ATP13A3: variants seen among roughly 807,000 people sequenced by gnomAD.
The protein encoded by ATP13A3 is ATPase 13A3, also known as polyamine-transporting ATPase 13A3.
ATP13A3 carries 59 observed loss-of-function variants against 158.1 expected under a neutral mutation model. The ratio of observed to expected loss-of-function variants is 0.37; its 90% CI spans 0.30 to 0.46. ATP13A3 has a LOEUF of 0.46. Ranked by LOEUF, ATP13A3 falls within the 20% of genes least tolerant of loss-of-function variation. ATP13A3 has a pLI of 1.00. For missense variants in ATP13A3, 1,166 were observed against 1,525.2 expected, an observed-to-expected ratio of 0.76 and a Z score of 3.92; for synonymous variants, 491 against 504.3, an observed-to-expected ratio of 0.97 and a Z score of 0.35.
intron 2 of ATP13A3, among the ~76,000 whole-genome samples, chr3:194,482,873 C>T (rs1720807670): frequency 6.6e-6 from 1 of 151,956 alleles, no homozygotes; most frequent in African/African-American, 2.4e-5. Flanking sequence ...TCTGGAAGGC[C>T]GAGGCAGGCG....
chr3:194,458,523 G>A (rs1560104642), intron 6 of ATP13A3, among the ~76,000 whole-genome samples: 1 of 152,000 alleles, frequency 6.6e-6, no homozygotes, highest in Non-Finnish European at 1.5e-5. Context: ...CTGAGTATTT[G>A]GGATTATAGC....
chr3:194,445,734 A>C (rs966888376), intron 14 of ATP13A3, among the ~76,000 whole-genome samples: 4 of 152,206 alleles, frequency 2.6e-5, no homozygotes, highest in African/African-American at 9.6e-5. Flanking sequence ...GTAATAATGA[A>C]ATGCACAAAA....
rs71179358 is a variant in ATP13A3, at chr3:194,409,693, A to ATTTTT, written c.3573+2501_3573+2505dup. Among the ~76,000 whole-genome samples the ATTTTT allele has an allele frequency of 1.7e-3, 160 of 93,980 alleles. 10 individuals are homozygous for ATTTTT. Among genetic ancestry groups the ATTTTT allele is most frequent in the African/African-American group, 7.1e-3 (144 of 20,336 alleles). 61.7% of individuals were successfully genotyped at this position (93,980 alleles called of 152,430 possible). A position where few individuals can be genotyped will look rare whatever the true frequency, so the allele number is the denominator to read the frequency against. ...TGCTTGATAATCACTGACGTAAAGA[A>ATTTTT]TTTTTTTTTTTTTTTTTTTTTTTTT... On this transcript the variant is annotated intron_variant, in intron 33 of 33. Coordinates refer to ENST00000645319, the MANE Select transcript of ATP13A3 (RefSeq NM_001367549.1).
At chr3:194,470,660 G>A (rs1290330791) in intron 2 of ATP13A3, among the ~76,000 whole-genome samples, 1 of 152,154 alleles carries the variant, frequency 6.6e-6, no homozygotes, top group Non-Finnish European at 1.5e-5. Context: ...TTACGTCACT[G>A]AGAGATTTTC....
intron 15 of ATP13A3, among the ~76,000 whole-genome samples, chr3:194,443,796 A>C (rs113695881): frequency 4.6e-5 from 7 of 152,304 alleles, no homozygotes; most frequent in African/African-American, 1.7e-4. Context: ...AAAAGTAAAG[A>C]GATGAGCCAG....
intron 33 of ATP13A3, among the ~76,000 whole-genome samples, chr3:194,406,807 T>A (rs138373191): frequency 6.6e-6 from 1 of 152,202 alleles, no homozygotes; most frequent in Non-Finnish European, 1.5e-5. Context: ...GCTTCAATCA[T>A]GTTTAATGTC....
chr3:194,448,380 G>A lies in ATP13A3; in HGVS notation c.1150+77C>T. 3.9e-6 allele frequency: 6 copies of A among 1,530,814 alleles called. No homozygotes were observed. In the South Asian group the frequency reaches 6.9e-5, roughly 18 times the overall value. 94.8% of individuals were successfully genotyped at this position (1,530,814 alleles called of 1,614,324 possible). On this transcript the variant is annotated intron_variant, in intron 12 of 33. Coordinates refer to ENST00000645319, the MANE Select transcript of ATP13A3 (RefSeq NM_001367549.1). The surrounding 1 kb of genome is among the most constrained non-coding windows in gnomAD (Gnocchi z 4.0). The stretch of plus-strand genomic sequence containing the variant: ...GGCGTTAGCCACAGCACCCAGCCCA[G>A]AATCTCTTTTTAAACATTTAGTAGG...
At chr3:194,441,246 G>A in intron 16 of ATP13A3, 65 bp downstream of exon 16, 1 of 1,295,518 alleles carries the variant, frequency 7.7e-7, no homozygotes, top group Non-Finnish European at 1.1e-6. Context: ...ATCCTTGTAT[G>A]AGGTAATTTA....
chr3:194,431,985 T>C (rs548177985), intron 21 of ATP13A3, 93 bp from the exon 22 acceptor site: 1 of 1,039,468 alleles, frequency 9.6e-7, no homozygotes, highest in Admixed American at 3.7e-5. Context: ...ACAGTCTCCA[T>C]GACTGGGCTG....
rs781676172 is a variant in ATP13A3 at position 194,460,807 on chromosome 3, G to A, written c.76C>T (p.Arg26Cys). 2.5e-5 allele frequency: 41 copies of A among 1,613,738 alleles called. No homozygotes were observed. The highest frequency in any genetic ancestry group is 3.2e-5 in the Non-Finnish European group (38 of 1,179,894). The part of the protein sequence containing the change: ...EMEIYGYNLS[R>C]WKLAIVSLGV... ...AAAGAAACTATGGCAAGCTTCCAGC[G>A]ACTCAAATTGTAACCATAAATCTCC... The change falls in exon 4 of 34, where the codon CGC becomes TGC. Residue 26 changes from arginine to cysteine, a missense_variant. This residue lies in a region of ATP13A3 where 65 missense variants were observed against 92.4 expected (regional missense o/e 0.70). Coordinates refer to ENST00000645319, the MANE Select transcript of ATP13A3 (RefSeq NM_001367549.1).
intron 8 of ATP13A3, among the ~76,000 whole-genome samples, chr3:194,454,679 G>A (rs1283769168): frequency 2.6e-5 from 4 of 151,938 alleles, no homozygotes; most frequent in East Asian, 1.9e-4. Flanking sequence ...ATACAAAAAA[G>A]TTAGCTGGGC....
intron 30 of ATP13A3, among the ~76,000 whole-genome samples, chr3:194,422,668 G>A (rs1025304744): frequency 1.2e-4 from 18 of 151,966 alleles, no homozygotes; most frequent in African/African-American, 3.9e-4. Context: ...AGATGCCACC[G>A]ATGGACTATG....
chr3:194,419,527 T>C (rs6784093), intron 31 of ATP13A3, among the ~76,000 whole-genome samples: 28,935 of 152,054 alleles, frequency 0.19, 4,611 homozygotes, highest in African/African-American at 0.43. Context: ...ATGAAAAGAA[T>C]TGAAGAACTA....
intron 2 of ATP13A3, among the ~76,000 whole-genome samples, chr3:194,475,801 G>A (rs1298278288): frequency 6.6e-6 from 1 of 151,996 alleles, no homozygotes; most frequent in African/African-American, 2.4e-5. Flanking sequence ...CGCCTGTATG[G>A]GAATATTTAG....
rs916043430 is a variant in ATP13A3 at position 194,448,082 on chromosome 3, C to G, written c.1151-73G>C. On this transcript the variant is annotated intron_variant, in intron 12 of 33. Coordinates refer to ENST00000645319, the MANE Select transcript of ATP13A3 (RefSeq NM_001367549.1). The surrounding 1 kb of genome is among the most constrained non-coding windows in gnomAD (Gnocchi z 4.0). ...AATTATCTCCCAAAACAGAATCTCT[C>G]TTTTTTTTTTTTTGAGACAGAGTCT... The G allele has an allele frequency of 5.9e-5, 66 of 1,121,580 alleles. No homozygotes were observed. The highest frequency in any genetic ancestry group is 7.1e-5 in the Admixed American group (3 of 42,410). The allele number at this position is 1,121,580 out of a possible 1,614,324, so 69.5% of individuals were successfully genotyped here. A position where few individuals can be genotyped will look rare whatever the true frequency, so the allele number is the denominator to read the frequency against.
At chr3:194,406,855 A>G (rs1249601817) in intron 33 of ATP13A3, among the ~76,000 whole-genome samples, 2 of 152,212 alleles carry the variant, frequency 1.3e-5, no homozygotes, top group African/African-American at 2.4e-5. Flanking sequence ...ACTAATATAA[A>G]AAACAATACT....
intron 15 of ATP13A3, among the ~76,000 whole-genome samples, chr3:194,442,074 C>T (rs907993424): frequency 6.6e-6 from 1 of 152,128 alleles, no homozygotes; most frequent in Non-Finnish European, 1.5e-5. Flanking sequence ...AGTGACTTGT[C>T]CCAGGTTACA....
intron 15 of ATP13A3, among the ~76,000 whole-genome samples, chr3:194,444,511 T>C (rs1484906635): frequency 6.6e-6 from 1 of 152,102 alleles, no homozygotes; most frequent in Non-Finnish European, 1.5e-5. Flanking sequence ...AGAATGGCAG[T>C]AGGAATTGGG....
chr3:194,473,408 T>G (rs753265980), intron 2 of ATP13A3, among the ~76,000 whole-genome samples: 2 of 151,406 alleles, frequency 1.3e-5, no homozygotes, highest in African/African-American at 2.4e-5. Context: ...AAAGAGCAAA[T>G]GAACCTATTA....
Sources: gnomAD v4.1 joint callset for allele counts (sites outside exome capture counted in the v4.1 genomes callset) on GRCh38, gnomAD v4.1.1 for gene constraint, gnomAD v4.1.1 regional missense constraint, Gnocchi (gnomAD v3.1) non-coding constraint, MANE v1.5 for transcripts, NCBI Gene and HGNC (gene_info 2026-07-23, HGNC 2026-07-21) for gene names.